Variants in CCDC81 observed in about 807,000 individuals in gnomAD.
CCDC81 encodes coiled-coil domain containing 81, also known as coiled-coil domain-containing protein 81.
In CCDC81, 79 loss-of-function variants were observed where a neutral mutation model predicts 83.7. The observed-to-expected ratio is 0.94, with a 90% CI of 0.79 to 1.14. The LOEUF (loss-of-function observed/expected upper bound fraction) is 1.14, where lower values mean the gene tolerates loss of function less well. Ranked by LOEUF, CCDC81 falls within the 50% of genes most tolerant of loss-of-function variation. CCDC81 has a pLI of 0.00. For synonymous variants in CCDC81, 252 were observed against 278.1 expected (o/e 0.91, Z 0.93); for missense variants, 791 against 778.1 (o/e 1.02, Z -0.20).
intron 1 of CCDC81, among the ~76,000 whole-genome samples, chr11:86,377,766 A>C (rs1279841500): frequency 6.6e-6 from 1 of 152,020 alleles, no homozygotes; most frequent in Non-Finnish European, 1.5e-5. Context: ...GAAGTTTTAA[A>C]TTTTAATGAA....
chr11:86,377,291 G>C (rs1048959100), intron 1 of CCDC81, among the ~76,000 whole-genome samples: 4 of 152,024 alleles, frequency 2.6e-5, no homozygotes, highest in African/African-American at 9.7e-5. Flanking sequence ...CTGGATATAA[G>C]TTTTCAATTC....
rs1293130798 is a variant in CCDC81 at position 86,392,636 on chromosome 11, C to T, written c.394C>T (p.Leu132Phe). 2.6e-6 allele frequency: 4 copies of T among 1,551,452 alleles called. No individual in the cohort carries two copies. The Admixed American group carries it at 5.9e-5, about 23-fold the overall frequency. Residue 132 changes from leucine to phenylalanine, a missense_variant, in exon 4 of 15, where the codon CTT becomes TTT. Leu to Phe is a conservative substitution (Grantham distance 22). Coordinates refer to ENST00000445632, the MANE Select transcript of CCDC81 (RefSeq NM_001156474.2). Reference protein sequence around the residue: ...VVEGCVKETLLFLSRSISMKQ... With the variant: ...VVEGCVKETLFFLSRSISMKQ... ...GGAAGGATGTGTGAAGGAGACGTTGCTTTTTTTATCGCGTTCCATTTCCAT... is the reference window on the plus strand; with the variant it reads ...GGAAGGATGTGTGAAGGAGACGTTGTTTTTTTTATCGCGTTCCATTTCCAT...
intron 7 of CCDC81, among the ~76,000 whole-genome samples, chr11:86,404,845 T>C (rs1051238124): frequency 6.6e-6 from 1 of 152,222 alleles, no homozygotes; most frequent in Non-Finnish European, 1.5e-5. Context: ...AGACACATTT[T>C]ATTACTTTTT....
At chr11:86,380,618 T>C (rs1052840589) in intron 1 of CCDC81, among the ~76,000 whole-genome samples, 1 of 152,254 alleles carries the variant, frequency 6.6e-6, no homozygotes, top group Middle Eastern at 3.4e-3. Context: ...TTGGATATTC[T>C]GGGTTTTTTT....
intron 10 of CCDC81, among the ~76,000 whole-genome samples, chr11:86,411,143 C>T (rs1007769622): frequency 6.6e-6 from 1 of 152,224 alleles, no homozygotes; most frequent in Non-Finnish European, 1.5e-5. Context: ...TCACCTTCAA[C>T]TATCAAATTC....
intron 5 of CCDC81, among the ~76,000 whole-genome samples, chr11:86,395,824 T>C (rs372926576): frequency 6.6e-5 from 10 of 152,276 alleles, no homozygotes; most frequent in Admixed American, 4.6e-4. Context: ...GGTTTCACCA[T>C]ATAGGCCAGG....
chr11:86,385,845 T>A (rs1235698410), intron 1 of CCDC81, among the ~76,000 whole-genome samples: 2 of 152,160 alleles, frequency 1.3e-5, no homozygotes, highest in African/African-American at 4.8e-5. Context: ...TTAAATCACA[T>A]CTTCTGAACT....
chr11:86,385,333 C>T (rs1435379028), intron 1 of CCDC81, among the ~76,000 whole-genome samples: 1 of 151,782 alleles, frequency 6.6e-6, no homozygotes, highest in Non-Finnish European at 1.5e-5. Context: ...TGCAGTGAGC[C>T]GAGATCACGC....
chr11:86,388,301 TA>T (rs1242183462), intron 3 of CCDC81, among the ~76,000 whole-genome samples: 1 of 151,904 alleles, frequency 6.6e-6, no homozygotes, highest in African/African-American at 2.4e-5. Context: ...GATATAGTGG[TA>T]AACAAAATAG....
intron 9 of CCDC81, among the ~76,000 whole-genome samples, 194 bp from the exon 10 acceptor site, chr11:86,409,067 A>G (rs1213852710): frequency 6.6e-6 from 1 of 152,160 alleles, no homozygotes; most frequent in Non-Finnish European, 1.5e-5. Context: ...AAGGCCAAGA[A>G]AAGGAAATAA....
rs1948261520 is a variant in CCDC81, at chr11:86,387,609, T to A, written c.235T>A (p.Phe79Ile). The A allele has an allele frequency of 6.2e-7, 1 of 1,612,092 alleles. No individual in the cohort carries two copies. The highest frequency in any genetic ancestry group is 2.2e-5 in the East Asian group (1 of 44,864). ...NKFILIQRPV[F>I]IMVEKLVQIH... ...ATTTATCTTAATCCAGAGGCCTGTGTTTATCATGGTGGAGAAGCTAGTGCA... is the reference window on the plus strand; with the variant it reads ...ATTTATCTTAATCCAGAGGCCTGTGATTATCATGGTGGAGAAGCTAGTGCA... The change falls in exon 3 of 15, where the codon TTT (phenylalanine) becomes ATT (isoleucine). Residue 79 changes from phenylalanine (F) to isoleucine (I), a missense_variant. Physicochemically the swap from Phe to Ile is conservative, Grantham distance 21. Transcript: ENST00000445632.
At chr11:86,402,378 G>A (rs1359377537) in intron 7 of CCDC81, among the ~76,000 whole-genome samples, 1 of 152,044 alleles carries the variant, frequency 6.6e-6, no homozygotes, top group Non-Finnish European at 1.5e-5. Flanking sequence ...AAATAAAATT[G>A]AGATATTATA....
chr11:86,407,557 A>G, intron 7 of CCDC81, 57 bp from the exon 8 acceptor site: 1 of 1,157,166 alleles, frequency 8.6e-7, no homozygotes, highest in Non-Finnish European at 1.3e-6. Context: ...TAAAATTATT[A>G]TTGCCCTTGA....
intron 10 of CCDC81, among the ~76,000 whole-genome samples, chr11:86,410,614 T>C (rs903194749): frequency 6.6e-6 from 1 of 152,176 alleles, no homozygotes; most frequent in African/African-American, 2.4e-5. Flanking sequence ...GCATGATCTT[T>C]CTCTCTCTTT....
chr11:86,400,776 G>T lies in CCDC81; in HGVS notation c.856G>T (p.Gly286Cys). ...LLEKFERSES[G>C]GKIMTPESLS... ...GGAAAAGTTTGAACGAAGTGAGAGT[G>T]GTGGGAAGATTATGACCCCTGAAAG... Residue 286 changes from glycine (G) to cysteine (C), a missense_variant, in exon 7 of 15, where the codon GGT becomes TGT. By Grantham distance (159) the Gly-to-Cys change is radical (BLOSUM62 -3). Coordinates refer to ENST00000445632, the MANE Select transcript of CCDC81 (RefSeq NM_001156474.2). The T allele has an allele frequency of 6.2e-7, 1 of 1,611,568 alleles. No individual in the cohort carries two copies. The highest frequency in any genetic ancestry group is 1.1e-5 in the South Asian group (1 of 90,876).
chr11:86,376,925 C>G (rs1457031110), intron 1 of CCDC81, among the ~76,000 whole-genome samples: 1 of 152,078 alleles, frequency 6.6e-6, no homozygotes, highest in African/African-American at 2.4e-5. Context: ...TATTTCACTC[C>G]CCTTTGTTCT....
At chr11:86,392,844 CTG>C (rs1948352379) in intron 4 of CCDC81, 47 bp downstream of exon 4, 3 of 1,520,640 alleles carry the variant, frequency 2.0e-6, no homozygotes, top group Non-Finnish European at 2.6e-6. Context: ...AATTGTGGTT[CTG>C]ACTCATCTAT....
At chr11:86,397,902 T>G (rs866596905) in intron 6 of CCDC81, among the ~76,000 whole-genome samples, 160 bp downstream of exon 6, 55 of 152,160 alleles carry the variant, frequency 3.6e-4, no homozygotes, top group African/African-American at 1.3e-3. Context: ...CAGGCTGTAG[T>G]GCAGTGGCAT....
intron 1 of CCDC81, among the ~76,000 whole-genome samples, chr11:86,378,343 G>T (rs1165043523): frequency 6.6e-6 from 1 of 152,010 alleles, no homozygotes; most frequent in Non-Finnish European, 1.5e-5. Flanking sequence ...GGCATTGTAT[G>T]ATTTCTATCC....
Sources: allele counts gnomAD v4.1 joint callset (sites outside exome capture counted in the v4.1 genomes callset), GRCh38; gene constraint gnomAD v4.1.1; transcripts MANE v1.5; gene names NCBI Gene and HGNC (gene_info 2026-07-23, HGNC 2026-07-21).